Variants in IGDCC3 observed in about 807,000 individuals in gnomAD.
IGDCC3 encodes the protein putative neuronal cell adhesion molecule.
In IGDCC3, 47 loss-of-function variants were observed where a neutral mutation model predicts 72.0. The ratio of observed to expected loss-of-function variants is 0.65; its 90% CI spans 0.52 to 0.83. IGDCC3 has a LOEUF of 0.83. Ranked by LOEUF, IGDCC3 falls within the 40% of genes least tolerant of loss-of-function variation. The pLI, the probability that IGDCC3 is intolerant of heterozygous loss-of-function variation, is 0.00. For missense variants in IGDCC3, 1,038 were observed against 1,091.3 expected, an observed-to-expected ratio of 0.95 and a Z score of 0.69; for synonymous variants, 477 against 472.8, an observed-to-expected ratio of 1.01 and a Z score of -0.11.
At chr15:65,367,716 G>T (rs951883598) in intron 2 of IGDCC3, among the ~76,000 whole-genome samples, 3 of 151,952 alleles carry the variant, frequency 2.0e-5, no homozygotes, top group African/African-American at 7.3e-5. Context: ...GTCCCTTACA[G>T]GACCTAATAA....
chr15:65,335,513 C>G (rs2091020453), intron 3 of IGDCC3, 92 bp from the exon 4 acceptor site: 1 of 1,302,196 alleles, frequency 7.7e-7, no homozygotes, highest in Non-Finnish European at 1.1e-6. Context: ...AGCCCAGGAC[C>G]TAAGCACTGC....
chr15:65,366,535 G>A (rs2091288931), intron 2 of IGDCC3, among the ~76,000 whole-genome samples: 1 of 152,162 alleles, frequency 6.6e-6, no homozygotes, highest in South Asian at 2.1e-4. Flanking sequence ...AAGGCAGAGG[G>A]GGCAGCAGGG....
Position 65,330,744 on chromosome 15 carries a change from G to A in IGDCC3, c.1562-3C>T. The A allele has an allele frequency of 6.3e-7, 1 of 1,597,854 alleles. No homozygotes were observed. Among genetic ancestry groups the A allele is most frequent in the Non-Finnish European group, 8.5e-7 (1 of 1,170,870 alleles). On this transcript the variant is annotated splice_polypyrimidine_tract_variant and splice_region_variant and intron_variant, in intron 9 of 13. Transcript: ENST00000327987. ...TGACAGTGGGGGTGGGGCAGGGGCT[G>A]CAGGTAGAGAAGGAGGCCACGATGT... is the stretch of plus-strand genomic sequence containing the variant.
rs1348693585 is a variant in IGDCC3, at chr15:65,377,226, G to A, written c.103+460C>T. On this transcript the variant is annotated intron_variant, in intron 1 of 13. Coordinates refer to ENST00000327987, the MANE Select transcript of IGDCC3 (RefSeq NM_004884.4). The surrounding 1 kb of genome is among the most constrained non-coding windows in gnomAD (Gnocchi z 4.9). ...TCCAAATGCAGGTCGTGCCATCTCC[G>A]CCCAGTGCAGCCGTCAGAGTCCCGG... 6.6e-6 allele frequency among the ~76,000 whole-genome samples: 1 copy of A among 152,064 alleles called. No homozygotes were observed. Among genetic ancestry groups the A allele is most frequent in the Non-Finnish European group, 1.5e-5 (1 of 68,002 alleles).
Position 65,367,410 on chromosome 15 carries a change from G to C in IGDCC3, c.409+7687C>G, listed in dbSNP as rs141931962. ...GGAGAGGGGGGAGGGATAGCTTTAG[G>C]AGATATACCTAATGCTAAATGACGA... On this transcript the variant is annotated intron_variant, in intron 2 of 13. Coordinates refer to ENST00000327987, the MANE Select transcript of IGDCC3 (RefSeq NM_004884.4). Among the ~76,000 whole-genome samples, 141 of 151,166 alleles carry C rather than the reference G, an allele frequency of 9.3e-4. 3 individuals carry two copies. The East Asian group carries it at 0.024, about 26-fold the overall frequency.
rs113751167 is a variant in IGDCC3 at position 65,335,522 on chromosome 15, G to A, written c.555-101C>T. ...AGATACAGCCCAGGACCTAAGCACTGCACCATCCCAACATCAGCAGACACA... is the reference window on the plus strand; with the variant it reads ...AGATACAGCCCAGGACCTAAGCACTACACCATCCCAACATCAGCAGACACA... On this transcript the variant is annotated intron_variant, in intron 3 of 13. Transcript: ENST00000327987. 1,253 of 1,217,970 alleles carry A rather than the reference G, an allele frequency of 1.0e-3. 9 individuals carry two copies. The African/African-American group carries it at 0.014, about 14-fold the overall frequency. 75.4% of individuals were successfully genotyped at this position (1,217,970 alleles called of 1,614,324 possible).
intron 2 of IGDCC3, among the ~76,000 whole-genome samples, chr15:65,370,576 ATATATATGTATGTATATATATGTATG>A (rs2091317617): frequency 8.5e-6 from 1 of 118,342 alleles, no homozygotes; most frequent in Admixed American, 9.0e-5. Context: ...ATATGTATGT[ATATATATGTATGTATATATATGTATG>A]TGTATATATA....
intron 2 of IGDCC3, among the ~76,000 whole-genome samples, chr15:65,337,564 G>A (rs1234047555): frequency 1.3e-5 from 2 of 152,156 alleles, no homozygotes; most frequent in East Asian, 3.9e-4. Context: ...TTGGTGAGAG[G>A]ATCCCCAGGG....
chr15:65,366,207 CAAAAAA>C (rs35152855), intron 2 of IGDCC3, among the ~76,000 whole-genome samples: 1 of 76,780 alleles, frequency 1.3e-5, no homozygotes, highest in African/African-American at 4.7e-5. Flanking sequence ...GACATTGTCT[CAAAAAA>C]AAAAAAAAAA....
intron 2 of IGDCC3, among the ~76,000 whole-genome samples, chr15:65,343,664 C>T (rs548120580): frequency 6.6e-6 from 1 of 152,186 alleles, no homozygotes; most frequent in Admixed American, 6.5e-5. Flanking sequence ...CTCAGGCGCC[C>T]GATGGCTACT....
chr15:65,362,298 C>A (rs1452462693), intron 2 of IGDCC3, among the ~76,000 whole-genome samples: 1 of 152,052 alleles, frequency 6.6e-6, no homozygotes, highest in Non-Finnish European at 1.5e-5. Flanking sequence ...AGCAGATGGG[C>A]CCAAAGTCAC....
At chr15:65,335,230 G>C (rs556141494) in intron 4 of IGDCC3, 61 bp downstream of exon 4, 21 of 1,548,472 alleles carry the variant, frequency 1.4e-5, no homozygotes, top group Non-Finnish European at 1.8e-5. Context: ...GTTGATCTAA[G>C]GGTAGGGAGG....
intron 2 of IGDCC3, among the ~76,000 whole-genome samples, chr15:65,337,277 C>T (rs1410760296): frequency 1.3e-5 from 2 of 152,184 alleles, no homozygotes; most frequent in Non-Finnish European, 2.9e-5. Flanking sequence ...AAAATCACCG[C>T]CCTGCCTCCT....
chr15:65,368,156 T>C (rs1389996562), intron 2 of IGDCC3, among the ~76,000 whole-genome samples: 1 of 53,398 alleles, frequency 1.9e-5, no homozygotes, highest in African/African-American at 7.8e-5. Flanking sequence ...TCTCTCTCTT[T>C]CACTCACACA....
At chr15:65,347,485 G>T (rs2091133981) in intron 2 of IGDCC3, among the ~76,000 whole-genome samples, 2 of 152,184 alleles carry the variant, frequency 1.3e-5, no homozygotes. Context: ...TCTGTCAGTG[G>T]CCTGTGAACC....
chr15:65,336,499 A>C (rs949261983), intron 2 of IGDCC3, among the ~76,000 whole-genome samples: 2 of 151,766 alleles, frequency 1.3e-5, no homozygotes, highest in African/African-American at 4.8e-5. Flanking sequence ...CCTGGTTACC[A>C]GGGCCCGGGA....
In IGDCC3 at chr15:65,377,581, G is replaced by C. The variant is rs2091366764; in HGVS notation, c.103+105C>G. 2 of 1,163,076 alleles carry C rather than the reference G, an allele frequency of 1.7e-6. No homozygotes were observed. The highest frequency in any genetic ancestry group is 1.6e-5 in the African/African-American group (1 of 61,384). The allele number at this position is 1,163,076 out of a possible 1,614,324, so 72.0% of individuals were successfully genotyped here. On this transcript the variant is annotated intron_variant, in intron 1 of 13. Transcript: ENST00000327987. This position sits in a 1 kb window ranked among gnomAD's most constrained non-coding sequence, Gnocchi z 4.9. The stretch of plus-strand genomic sequence containing the variant: ...CCCCCCGCGCGGGGTCCGCCCTCAG[G>C]TCCGCGCCGCTCTCCCCGGGTCCGC...
intron 5 of IGDCC3, among the ~76,000 whole-genome samples, chr15:65,333,948 C>T (rs1050333802): frequency 1.3e-5 from 2 of 152,114 alleles, no homozygotes; most frequent in African/African-American, 2.4e-5. Context: ...CCTGATGGTG[C>T]GGCCACTCTT....
At chr15:65,371,244 A>G (rs568902531) in intron 2 of IGDCC3, among the ~76,000 whole-genome samples, 220 of 152,356 alleles carry the variant, frequency 1.4e-3, no homozygotes, top group African/African-American at 5.1e-3. Context: ...CTTTAGACCC[A>G]TCACCTCATT....
Sources: gnomAD v4.1 joint callset for allele counts (sites outside exome capture counted in the v4.1 genomes callset) on GRCh38, gnomAD v4.1.1 for gene constraint, Gnocchi (gnomAD v3.1) non-coding constraint, MANE v1.5 for transcripts, NCBI Gene and HGNC (gene_info 2026-07-23, HGNC 2026-07-21) for gene names.